The following ANK2 variants were observed in gnomAD, a reference collection of about 807,000 sequenced individuals.
ANK2 encodes ankyrin 2.
Under a neutral mutation model 360.5 loss-of-function variants are expected in ANK2, and 83 were observed. That is an observed-to-expected ratio of 0.23 (90% CI 0.19 to 0.28). The LOEUF (loss-of-function observed/expected upper bound fraction) is 0.28, where lower values mean the gene tolerates loss of function less well. ANK2 is among the 10% of genes least tolerant of loss of function. The pLI is 1.00. For synonymous variants in ANK2, 1,740 were observed against 1,759.5 expected, an observed-to-expected ratio of 0.99 and a Z score of 0.28; for missense variants, 4,201 against 4,795.7, an observed-to-expected ratio of 0.88 and a Z score of 3.66.
In ANK2 at chr4:112,928,847, G is replaced by A. The variant is rs577030275; in HGVS notation, c.21+24333G>A. 9.6e-4 allele frequency among the ~76,000 whole-genome samples: 145 copies of A among 151,082 alleles called. 1 individual carries two copies. Among genetic ancestry groups the A allele is most frequent in the Non-Finnish European group, 1.7e-3 (116 of 67,690 alleles). On this transcript the variant is annotated intron_variant, in intron 2 of 30. Coordinates refer to the ANK2 transcript ENST00000503271. The stretch of plus-strand genomic sequence containing the variant: ...TTCTTTTGTTTAACCCACTCATCCC[G>A]TCTTTAGGTTTTTTTTTTTTTTTAA...
At chr4:113,184,151 A>G (rs899203789) in intron 2 of ANK2, among the ~76,000 whole-genome samples, 31 of 151,236 alleles carry the variant, frequency 2.0e-4, no homozygotes, top group African/African-American at 7.3e-4. Flanking sequence ...GGATATTTAG[A>G]GAACAGATTT....
chr4:112,964,506 T>A (rs930752372), intron 2 of ANK2, among the ~76,000 whole-genome samples: 3 of 152,054 alleles, frequency 2.0e-5, no homozygotes, highest in Admixed American at 1.3e-4. Context: ...AATGACTGAA[T>A]CTCATTCTTT....
intron 1 of ANK2, among the ~76,000 whole-genome samples, chr4:113,103,413 T>A (rs1001872457): frequency 1.9e-4 from 29 of 152,140 alleles, no homozygotes; most frequent in African/African-American, 6.8e-4. Flanking sequence ...AAACATCAAC[T>A]GTTTTAAAAA....
the ANK2 span, among the ~76,000 whole-genome samples, chr4:112,783,682 C>T: frequency 9.6e-3 from 1,431 of 148,390 alleles, 17 homozygotes; most frequent in African/African-American, 0.034. Flanking sequence ...GACAGAGTCT[C>T]GCTCTGTCAC....
chr4:113,206,256 CT>C (rs2098946676), intron 4 of ANK2, among the ~76,000 whole-genome samples: 3 of 152,284 alleles, frequency 2.0e-5, no homozygotes, highest in African/African-American at 7.2e-5. Flanking sequence ...CCCCTGCCCC[CT>C]GACAGGCCCC....
chr4:112,771,301 A>G, the ANK2 span, among the ~76,000 whole-genome samples: 1 of 151,612 alleles, frequency 6.6e-6, no homozygotes, highest in Non-Finnish European at 1.5e-5. Context: ...TATTTTTAGT[A>G]GAGATGGGGT....
At chr4:113,199,659 T>C (rs538224407) in intron 4 of ANK2, among the ~76,000 whole-genome samples, 4 of 152,310 alleles carry the variant, frequency 2.6e-5, no homozygotes, top group Admixed American at 2.6e-4. Context: ...ATCCCTTTTT[T>C]TTTCTGGTGG....
At chr4:112,806,735 T>A in the ANK2 span, among the ~76,000 whole-genome samples, 1 of 151,804 alleles carries the variant, frequency 6.6e-6, no homozygotes, top group Non-Finnish European at 1.5e-5. Context: ...GAGGCTGAGG[T>A]GGGAGGATTA....
At chr4:112,973,128 AT>A (rs1303962399) in intron 2 of ANK2, among the ~76,000 whole-genome samples, 3 of 151,172 alleles carry the variant, frequency 2.0e-5, no homozygotes, top group African/African-American at 7.3e-5. Context: ...CAAAGAACTT[AT>A]CTGTGTAACC....
intron 2 of ANK2, among the ~76,000 whole-genome samples, chr4:112,978,990 T>C (rs1290939285): frequency 6.6e-6 from 1 of 152,152 alleles, no homozygotes; most frequent in Non-Finnish European, 1.5e-5. Flanking sequence ...TATTTTGCAA[T>C]AGAAATAATA....
intron 20 of ANK2, 126 bp downstream of exon 20, chr4:113,288,612 C>A: frequency 1.3e-6 from 1 of 786,676 alleles, no homozygotes; most frequent in Non-Finnish European, 2.1e-6. Context: ...GTGATTTTGA[C>A]GAGGTGATGT....
At position 113,199,088 on chromosome 4, in the gene ANK2, C is replaced by A. The variant is rs777309471; in HGVS notation, c.363C>A (p.Ala121=). The A allele has an allele frequency of 2.5e-6, 4 of 1,611,448 alleles. No individual in the cohort carries two copies. The highest frequency in any genetic ancestry group is 3.4e-6 in the Non-Finnish European group (4 of 1,177,806). ...TCAAAGTTCTTGTTAAGGAAGGAGC[C>A]AATATTAATGCACAGTCTCAGGTAT... The part of the protein sequence containing the change: ...EVVKVLVKEG[A]NINAQSQNGF... Residue 121 remains alanine (A), a synonymous_variant, in exon 4 of 46, where the codon GCC becomes GCA. Coordinates refer to ENST00000357077, the MANE Select transcript of ANK2 (RefSeq NM_001148.6).
intron 1 of ANK2, among the ~76,000 whole-genome samples, chr4:113,163,648 C>T (rs2097632554): frequency 6.6e-6 from 1 of 151,056 alleles, no homozygotes; most frequent in Non-Finnish European, 1.5e-5. Flanking sequence ...CCTGTAATCC[C>T]AGCTACTCCA....
chr4:113,068,074 A>G (rs897544035), intron 1 of ANK2, among the ~76,000 whole-genome samples: 14 of 152,158 alleles, frequency 9.2e-5, no homozygotes, highest in African/African-American at 3.1e-4. Context: ...AAAACATAGC[A>G]TCTCTCTCTA....
chr4:112,790,081 G>T, the ANK2 span, among the ~76,000 whole-genome samples: 1 of 152,250 alleles, frequency 6.6e-6, no homozygotes, highest in African/African-American at 2.4e-5. Flanking sequence ...TCACTGAGGA[G>T]CTCCCCAGGT....
intron 1 of ANK2, among the ~76,000 whole-genome samples, chr4:112,825,419 T>C (rs1249776905): frequency 6.6e-6 from 1 of 152,182 alleles, no homozygotes; most frequent in Non-Finnish European, 1.5e-5. Context: ...CAAGACCCAG[T>C]ATTATCAGAT....
chr4:112,977,643 C>T (rs1304067997), intron 2 of ANK2, among the ~76,000 whole-genome samples: 3 of 151,712 alleles, frequency 2.0e-5, no homozygotes, highest in Non-Finnish European at 4.4e-5. Flanking sequence ...TATACACGTC[C>T]ATGGTGGTTT....
At position 113,341,913 on chromosome 4, in the gene ANK2, G is replaced by A. The variant is rs767592222; in HGVS notation, c.4119G>A (p.Val1373=). ...CTGAGGTGGCCAGAAGCAGGGATGT[G>A]GAGGTACTGTACCAAAAATAATAAT... ...NFAEVARSRD[V]EVLEGKPIYV... Residue 1373 remains valine, a synonymous_variant, in exon 33 of 46, where the codon GTG becomes GTA. Coordinates refer to ENST00000357077, the MANE Select transcript of ANK2 (RefSeq NM_001148.6). 8 of 1,606,830 alleles carry A rather than the reference G, an allele frequency of 5.0e-6. No individual in the cohort carries two copies. In the South Asian group the frequency reaches 6.6e-5, roughly 13 times the overall value.
the ANK2 span, among the ~76,000 whole-genome samples, chr4:112,747,730 G>A: frequency 2.9e-4 from 44 of 152,234 alleles, no homozygotes; most frequent in Non-Finnish European, 5.1e-4. Flanking sequence ...ATTAAAAGAA[G>A]GTGGGAAAGG....
Sources: gnomAD v4.1 joint callset for allele counts (sites outside exome capture counted in the v4.1 genomes callset) on GRCh38, gnomAD v4.1.1 for gene constraint, MANE v1.5 for transcripts, NCBI Gene and HGNC (gene_info 2026-07-23, HGNC 2026-07-21) for gene names.